The following WWOX variants were observed in gnomAD, a reference collection of about 807,000 sequenced individuals.
WWOX encodes WW domain containing oxidoreductase.
A neutral mutation model predicts 46.2 loss-of-function variants in WWOX; 69 were observed. That is an observed-to-expected ratio of 1.49 (90% CI 1.23 to 1.82). WWOX has a LOEUF of 1.82. Ranked by LOEUF, WWOX falls within the 40% of genes most tolerant of loss-of-function variation. WWOX has a pLI of 0.00. For missense variants in WWOX, 919 were observed against 542.6 expected (o/e 1.69, Z -6.89); for synonymous variants, 359 against 202.6 (o/e 1.77, Z -6.56).
chr16:78,444,778 C>A (rs977130488), intron 8 of WWOX, among the ~76,000 whole-genome samples: 1 of 152,146 alleles, frequency 6.6e-6, no homozygotes, highest in Non-Finnish European at 1.5e-5. Context: ...GATCCACCCG[C>A]CTCGGCCTCC....
intron 5 of WWOX, among the ~76,000 whole-genome samples, chr16:78,373,116 TTTC>T (rs1301037331): frequency 6.6e-6 from 1 of 152,188 alleles, no homozygotes; most frequent in African/African-American, 2.4e-5. Context: ...AACACATCTC[TTTC>T]TTGTAATATC....
chr16:78,293,985 A>AAAAAAAAAAAAAAAAAAC (rs2079901507), intron 5 of WWOX, among the ~76,000 whole-genome samples: 1 of 67,734 alleles, frequency 1.5e-5, no homozygotes, highest in Non-Finnish European at 3.3e-5. Context: ...TCAGAAAAAA[A>AAAAAAAAAAAAAAAAAAC]AAAAAAAAAA....
chr16:78,975,531 C>T (rs1178130475), intron 8 of WWOX, among the ~76,000 whole-genome samples: 3 of 151,876 alleles, frequency 2.0e-5, no homozygotes, highest in African/African-American at 7.3e-5. Flanking sequence ...GGTCTTTGCC[C>T]ATGAAATCTG....
At chr16:78,246,070 C>G (rs2037805856) in intron 5 of WWOX, among the ~76,000 whole-genome samples, 1 of 152,178 alleles carries the variant, frequency 6.6e-6, no homozygotes, top group African/African-American at 2.4e-5. Flanking sequence ...TTCCCTCATT[C>G]TTTTTTGCAG....
chr16:78,851,049 A>T (rs1358155541), intron 8 of WWOX, among the ~76,000 whole-genome samples: 1 of 152,124 alleles, frequency 6.6e-6, no homozygotes, highest in African/African-American at 2.4e-5. Context: ...GAGTTATTTG[A>T]AAGAGGGTAG....
At chr16:78,725,504 T>A (rs1431784506) in intron 8 of WWOX, among the ~76,000 whole-genome samples, 1 of 151,606 alleles carries the variant, frequency 6.6e-6, no homozygotes, top group African/African-American at 2.4e-5. Flanking sequence ...TCTGCCACCA[T>A]GCACGGCTAA....
intron 6 of WWOX, among the ~76,000 whole-genome samples, chr16:78,402,842 C>G (rs1245903225): frequency 2.0e-5 from 3 of 152,002 alleles, no homozygotes; most frequent in African/African-American, 4.8e-5. Flanking sequence ...GCCCTGGGGT[C>G]TGGTTGCTTT....
chr16:79,093,605 C>T (rs933839323), intron 8 of WWOX, among the ~76,000 whole-genome samples: 1 of 152,160 alleles, frequency 6.6e-6, no homozygotes, highest in Non-Finnish European at 1.5e-5. Context: ...CTCCAGTGCC[C>T]GGTGCAGGGT....
intron 6 of WWOX, among the ~76,000 whole-genome samples, chr16:78,387,360 A>C (rs563006762): frequency 1.1e-4 from 17 of 152,348 alleles, no homozygotes; most frequent in Non-Finnish European, 2.1e-4. Context: ...CAAGCACCCA[A>C]AAGACCTCTA....
chr16:78,929,367 C>G (rs138552787), intron 8 of WWOX, among the ~76,000 whole-genome samples: 2,410 of 151,836 alleles, frequency 0.016, 37 homozygotes, highest in Non-Finnish European at 0.025. Context: ...TATTTTTTCT[C>G]CTGCTTGCCT....
intron 8 of WWOX, among the ~76,000 whole-genome samples, chr16:78,571,352 T>C (rs2044711363): frequency 6.6e-6 from 1 of 152,188 alleles, no homozygotes; most frequent in Admixed American, 6.5e-5. Context: ...CTTTGTGAAA[T>C]GTCCCATTAA....
chr16:79,023,409 C>T (rs546054260), intron 8 of WWOX, among the ~76,000 whole-genome samples: 5 of 152,234 alleles, frequency 3.3e-5, no homozygotes, highest in East Asian at 1.9e-4. Context: ...TGGTGTTACC[C>T]TGGAGTTGTG....
chr16:79,157,138 A>G (rs1043781674), intron 8 of WWOX, among the ~76,000 whole-genome samples: 9 of 152,242 alleles, frequency 5.9e-5, no homozygotes, highest in Non-Finnish European at 1.2e-4. Flanking sequence ...ATGATACACT[A>G]GGCAAAGCAG....
At chr16:78,606,679 C>G (rs75867215) in intron 8 of WWOX, among the ~76,000 whole-genome samples, 2 of 149,642 alleles carry the variant, frequency 1.3e-5, no homozygotes, top group East Asian at 1.9e-4. Context: ...GAAGCCAGCC[C>G]GATTAGGACG....
intron 8 of WWOX, among the ~76,000 whole-genome samples, chr16:79,054,639 T>G (rs1232182049): frequency 6.6e-6 from 1 of 152,084 alleles, no homozygotes; most frequent in East Asian, 1.9e-4. Context: ...CTGGGCAACA[T>G]AGTGAGACCT....
At chr16:78,372,363 C>T (rs966230525) in intron 5 of WWOX, among the ~76,000 whole-genome samples, 1 of 152,252 alleles carries the variant, frequency 6.6e-6, no homozygotes, top group African/African-American at 2.4e-5. Context: ...ATGCCGTCTA[C>T]CCCCCTGCTG....
At chr16:78,252,936 A>G (rs1435337357) in intron 5 of WWOX, among the ~76,000 whole-genome samples, 1 of 152,234 alleles carries the variant, frequency 6.6e-6, no homozygotes, top group East Asian at 1.9e-4. Context: ...TTGTTTAAAC[A>G]ACATTCATTA....
At chr16:78,366,434 T>A (rs953515060) in intron 5 of WWOX, among the ~76,000 whole-genome samples, 1 of 152,198 alleles carries the variant, frequency 6.6e-6, no homozygotes, top group African/African-American at 2.4e-5. Context: ...ACAGACACTC[T>A]AAGGAATGGC....
At chr16:78,932,484 C>T (rs1461769340) in intron 8 of WWOX, among the ~76,000 whole-genome samples, 1 of 152,172 alleles carries the variant, frequency 6.6e-6, no homozygotes, top group African/African-American at 2.4e-5. Context: ...CAGATAGATC[C>T]CAGATGTCTT....
Sources: gnomAD v4.1 joint callset for allele counts (sites outside exome capture counted in the v4.1 genomes callset) on GRCh38, gnomAD v4.1.1 for gene constraint, MANE v1.5 for transcripts, NCBI Gene and HGNC (gene_info 2026-07-23, HGNC 2026-07-21) for gene names.